VDAC3: variants seen among roughly 807,000 people sequenced by gnomAD.
VDAC3 encodes voltage dependent anion channel 3, also known as non-selective voltage-gated ion channel VDAC3.
VDAC3 carries 7 observed loss-of-function variants against 33.9 expected under a neutral mutation model. The ratio of observed to expected loss-of-function variants is 0.21; its 90% confidence interval spans 0.12 to 0.39. VDAC3 has a LOEUF of 0.39. Among genes scored for constraint, VDAC3 ranks in the 10% least tolerant of loss-of-function variants. The pLI is 1.00. For missense variants in VDAC3, 261 were observed against 334.5 expected (o/e 0.78, Z 1.71); for synonymous variants, 100 against 122.4 (o/e 0.82, Z 1.21).
chr8:42,402,162 C>T, intron 7 of VDAC3, 147 bp downstream of exon 7: 1 of 893,618 alleles, frequency 1.1e-6, no homozygotes, highest in South Asian at 1.7e-5. Context: ...CAAAACCTTG[C>T]CAGGAGGCTG....
In VDAC3 at chr8:42,394,420, C is replaced by G. The variant is rs1802267085; in HGVS notation, c.67+142C>G. 6 of 705,820 alleles carry G rather than the reference C, an allele frequency of 8.5e-6. No homozygotes were observed. The South Asian group carries it at 1.2e-4, about 14-fold the overall frequency. The allele number at this position is 705,820 out of a possible 1,614,324, so 43.7% of individuals were successfully genotyped here. A position where few individuals can be genotyped will look rare whatever the true frequency, so the allele number is the denominator to read the frequency against. On this transcript the variant is annotated intron_variant, in intron 3 of 9. Transcript: ENST00000022615. Reference sequence around the variant, plus strand: ...ATTTAAGGGGATAACTATTAACAGGCTATTAGACCTCATTCTTTAGAGGCA... The same window carrying G: ...ATTTAAGGGGATAACTATTAACAGGGTATTAGACCTCATTCTTTAGAGGCA...
chr8:42,395,280 C>A, intron 4 of VDAC3, 147 bp downstream of exon 4: 1 of 1,253,622 alleles, frequency 8.0e-7, no homozygotes, highest in South Asian at 1.5e-5. Flanking sequence ...CATTCTTAGC[C>A]AATTAAAATA....
intron 5 of VDAC3, among the ~76,000 whole-genome samples, chr8:42,399,080 T>C (rs576279081): frequency 1.5e-3 from 224 of 152,130 alleles, no homozygotes; most frequent in Non-Finnish European, 2.4e-3. Context: ...TTCTGACTGG[T>C]TCTCTGTTAC....
Position 42,405,562 on chromosome 8 carries a change from G to T in VDAC3, c.*100G>T. The T allele has an allele frequency of 1.9e-6, 2 of 1,028,270 alleles. No individual in the cohort carries two copies. The highest frequency in any genetic ancestry group is 2.9e-6 in the Non-Finnish European group (2 of 679,494). The allele number at this position is 1,028,270 out of a possible 1,614,324, so 63.7% of individuals were successfully genotyped here. ...TTCTTCTGTGAAATTTCAAAAGTGTGAACTTTTTATTCTTCCAAAGAATTG... is the reference window on the plus strand; with the variant it reads ...TTCTTCTGTGAAATTTCAAAAGTGTTAACTTTTTATTCTTCCAAAGAATTG... On this transcript the variant is annotated 3_prime_UTR_variant, in exon 10 of 10. Transcript: ENST00000022615.
At chr8:42,394,996 A>G (rs1802279940) in intron 3 of VDAC3, 88 bp from the exon 4 acceptor site, 7 of 1,498,184 alleles carry the variant, frequency 4.7e-6, no homozygotes, top group Non-Finnish European at 6.5e-6. Flanking sequence ...GGAAGGTACT[A>G]TAGGCTATTT....
chr8:42,392,298 C>T (rs1218323000), intron 1 of VDAC3, among the ~76,000 whole-genome samples: 3 of 152,242 alleles, frequency 2.0e-5, no homozygotes, highest in Non-Finnish European at 4.4e-5. Context: ...GGAGGGTGCC[C>T]TGCGTGCAAT....
intron 7 of VDAC3, chr8:42,402,290 A>G: frequency 2.0e-6 from 1 of 488,188 alleles, no homozygotes; most frequent in Non-Finnish European, 3.7e-6. Context: ...AGCCCAGAGC[A>G]TGGCTTACCT....
chr8:42,401,212 C>A (rs566033066), intron 6 of VDAC3, among the ~76,000 whole-genome samples: 128 of 150,210 alleles, frequency 8.5e-4, no homozygotes, highest in Non-Finnish European at 1.7e-3. Flanking sequence ...CTTTTTTTTT[C>A]TTTTGAGACG....
Position 42,400,535 on chromosome 8 carries a change from A to G in VDAC3, c.323+832A>G, listed in dbSNP as rs150741383. On this transcript the variant is annotated intron_variant, in intron 6 of 9. Transcript: ENST00000022615. ...AAAAAGGGGGATTGTGTCATTTCCT[A>G]TCTGCCTAATGTGGGTCCATGCTAT... Among the ~76,000 whole-genome samples the G allele has an allele frequency of 1.6e-3, 243 of 152,088 alleles. 2 individuals are homozygous for G. The highest frequency in any genetic ancestry group is 3.4e-3 in the Middle Eastern group (1 of 294).
At chr8:42,394,982 A>G (rs59791694) in intron 3 of VDAC3, 102 bp from the exon 4 acceptor site, 49,174 of 1,327,652 alleles carry the variant, frequency 0.037, 1,852 homozygotes, top group African/African-American at 0.16. Flanking sequence ...TGCATTTTTC[A>G]TATGGAAGGT....
At chr8:42,394,384 C>G in intron 3 of VDAC3, 106 bp downstream of exon 3, 1 of 977,406 alleles carries the variant, frequency 1.0e-6, no homozygotes, top group Non-Finnish European at 1.6e-6. Flanking sequence ...AGCATTATTC[C>G]ACTTCACAAG....
At chr8:42,394,533 A>G (rs1259045372) in intron 3 of VDAC3, among the ~76,000 whole-genome samples, 1 of 152,206 alleles carries the variant, frequency 6.6e-6, no homozygotes, top group East Asian at 1.9e-4. Context: ...ATGTAGAATA[A>G]TATATATAAC....
At chr8:42,392,047 G>C (rs994490518) in intron 1 of VDAC3, 119 bp downstream of exon 1, 1 of 152,192 alleles carries the variant, frequency 6.6e-6, no homozygotes, top group Non-Finnish European at 1.5e-5. Flanking sequence ...GCAGGCTACC[G>C]GGGCGCGGGG....
At chr8:42,403,508 A>G (rs746316013) in intron 8 of VDAC3, 47 bp downstream of exon 8, 51 of 1,501,072 alleles carry the variant, frequency 3.4e-5, no homozygotes, top group Non-Finnish European at 4.5e-5. Flanking sequence ...TTTGTGTCTA[A>G]GTTTTCAGAG....
At chr8:42,403,487 C>G in intron 8 of VDAC3, 26 bp downstream of exon 8, 2 of 1,541,534 alleles carry the variant, frequency 1.3e-6, no homozygotes, top group Non-Finnish European at 1.7e-6. Flanking sequence ...CAGATTGGAT[C>G]TGCTCTTATG....
chr8:42,398,607 G>C, intron 4 of VDAC3, 105 bp from the exon 5 acceptor site: 1 of 1,221,010 alleles, frequency 8.2e-7, no homozygotes, highest in Non-Finnish European at 1.1e-6. Flanking sequence ...GCTGTGGCAA[G>C]CAGTAAATGG....
At chr8:42,400,035 C>T (rs1802388045) in intron 6 of VDAC3, among the ~76,000 whole-genome samples, 1 of 152,130 alleles carries the variant, frequency 6.6e-6, no homozygotes, top group Non-Finnish European at 1.5e-5. Flanking sequence ...TGGTATTCTG[C>T]TGAGAAAGTT....
Position 42,404,899 on chromosome 8 carries a change from G to C in VDAC3, c.735G>C (p.Leu245=). 6.2e-7 allele frequency: 1 copy of C among 1,613,638 alleles called. No individual in the cohort carries two copies. Among genetic ancestry groups the C allele is most frequent in the South Asian group, 1.1e-5 (1 of 91,030 alleles). ...AKVNNASLIG[L]GYTQTLRPGV... ...TAAATAATGCCAGCCTGATTGGACT[G>C]GGTTATACTCAGACCCTTCGACCAG... Residue 245 remains leucine, a synonymous_variant, in exon 9 of 10, where the codon CTG becomes CTC. Transcript: ENST00000022615.
intron 6 of VDAC3, among the ~76,000 whole-genome samples, chr8:42,401,362 A>G (rs935092913): frequency 2.6e-5 from 4 of 151,926 alleles, no homozygotes; most frequent in Admixed American, 6.6e-5. Flanking sequence ...ACGCCCAGCT[A>G]ATTTTTGTAT....
Sources: allele counts gnomAD v4.1 joint callset (sites outside exome capture counted in the v4.1 genomes callset), GRCh38; gene constraint gnomAD v4.1.1; transcripts MANE v1.5; gene names NCBI Gene and HGNC (gene_info 2026-07-23, HGNC 2026-07-21).